Variants in ABCA13 observed in about 807,000 individuals in gnomAD.
The protein encoded by ABCA13 is ATP-binding cassette sub-family A member 13.
ABCA13 carries 476 observed loss-of-function variants against 478.7 expected under a neutral mutation model. That is an observed-to-expected ratio of 0.99 (90% CI 0.92 to 1.07). The LOEUF (loss-of-function observed/expected upper bound fraction) is 1.07. ABCA13 is among the 50% of genes least tolerant of loss of function. The pLI is 0.00. For missense variants in ABCA13, 6,060 were observed against 5,910.6 expected, an observed-to-expected ratio of 1.03 and a Z score of -0.83; for synonymous variants, 2,252 against 2,158.9, an observed-to-expected ratio of 1.04 and a Z score of -1.20.
In ABCA13 at chr7:48,275,003, T is replaced by C; in HGVS notation, c.5337T>C (p.His1779=). 6.2e-7 allele frequency: 1 copy of C among 1,613,972 alleles called. No individual in the cohort carries two copies. Among genetic ancestry groups the C allele is most frequent in the East Asian group, 2.2e-5 (1 of 44,878 alleles). ...ATGTCTACAGCTTCACACTCCTTCA[T>C]GGCATAACCATTTCAAATATCACCA... The part of the protein sequence containing the change: ...LKDVYSFTLL[H]GITISNITKE... The change falls in exon 17 of 62, where the codon CAT becomes CAC. Residue 1779 remains histidine (H), a synonymous_variant. Transcript: ENST00000435803.
intron 57 of ABCA13, among the ~76,000 whole-genome samples, chr7:48,591,138 C>T (rs1048543809): frequency 2.0e-5 from 3 of 150,566 alleles, no homozygotes; most frequent in Non-Finnish European, 4.4e-5. Context: ...AATACATGTT[C>T]AGTTGATTTT....
chr7:48,231,713 G>A (rs1789113642), intron 7 of ABCA13, among the ~76,000 whole-genome samples: 1 of 152,096 alleles, frequency 6.6e-6, no homozygotes, highest in African/African-American at 2.4e-5. Context: ...CCAGGCGGCA[G>A]TGCAGCAGTG....
rs546280845 is a variant in ABCA13, at chr7:48,257,445, G to A, written c.2005+8094G>A. ...TGATTTTGGCTGTGTGTTTTTCATC[G>A]ATGGGCTGTTATTACTTTGAGGTAT... On this transcript the variant is annotated intron_variant, in intron 15 of 61. Coordinates refer to ENST00000435803, the MANE Select transcript of ABCA13 (RefSeq NM_152701.5). Among the ~76,000 whole-genome samples, 8 of 152,148 alleles carry A rather than the reference G, an allele frequency of 5.3e-5. No homozygotes were observed. The South Asian group carries it at 1.2e-3, about 24-fold the overall frequency.
intron 32 of ABCA13, among the ~76,000 whole-genome samples, chr7:48,370,208 T>C (rs189156948): frequency 5.3e-4 from 81 of 152,292 alleles, no homozygotes; most frequent in Admixed American, 9.8e-4. Flanking sequence ...ACTGTTGGTG[T>C]ATAGCAGAGC....
At chr7:48,315,800 A>G (rs1307887562) in intron 26 of ABCA13, among the ~76,000 whole-genome samples, 1 of 152,134 alleles carries the variant, frequency 6.6e-6, no homozygotes, top group African/African-American at 2.4e-5. Context: ...TTCTTCATTT[A>G]TACTTTGGGG....
chr7:48,278,022 A>G (rs186223260), intron 17 of ABCA13, 72 bp from the exon 18 acceptor site: 2 of 488,638 alleles, frequency 4.1e-6, no homozygotes, highest in African/African-American at 2.0e-5. Context: ...ATAAATCACT[A>G]TGTATCTTAA....
chr7:48,225,209 C>T (rs1788036852), intron 5 of ABCA13, among the ~76,000 whole-genome samples: 1 of 145,036 alleles, frequency 6.9e-6, no homozygotes, highest in Non-Finnish European at 1.5e-5. Context: ...TCCTTCTTTA[C>T]TTCCTTCCTT....
intron 29 of ABCA13, among the ~76,000 whole-genome samples, chr7:48,350,339 T>C (rs1010241265): frequency 6.6e-6 from 1 of 152,190 alleles, no homozygotes; most frequent in African/African-American, 2.4e-5. Flanking sequence ...TTTCCTTCTG[T>C]TGTTTATCCT....
At chr7:48,329,735 A>G (rs1300712677) in intron 27 of ABCA13, among the ~76,000 whole-genome samples, 8 of 151,980 alleles carry the variant, frequency 5.3e-5, no homozygotes, top group Admixed American at 4.6e-4. Context: ...CCATTCATCC[A>G]TCCATCCACA....
chr7:48,321,647 C>G (rs1219061128), intron 27 of ABCA13, among the ~76,000 whole-genome samples: 3 of 152,294 alleles, frequency 2.0e-5, no homozygotes, highest in East Asian at 3.9e-4. Flanking sequence ...GCCAGTGTGT[C>G]AAGTGGAGGC....
chr7:48,393,019 G>T (rs1188707738), intron 38 of ABCA13, among the ~76,000 whole-genome samples: 2 of 152,124 alleles, frequency 1.3e-5, no homozygotes, highest in African/African-American at 4.8e-5. Flanking sequence ...AAGGAAGTAG[G>T]GTATCCAGGA....
chr7:48,438,404 A>G (rs1823129617), intron 42 of ABCA13, among the ~76,000 whole-genome samples: 1 of 151,942 alleles, frequency 6.6e-6, no homozygotes, highest in Non-Finnish European at 1.5e-5. Flanking sequence ...GTAGTTGTTT[A>G]TTTAGTGTTT....
intron 59 of ABCA13, among the ~76,000 whole-genome samples, chr7:48,639,791 T>C (rs1342663156): frequency 6.6e-6 from 1 of 152,236 alleles, no homozygotes; most frequent in Non-Finnish European, 1.5e-5. Flanking sequence ...TTTTATGCGT[T>C]TAATTTTTAG....
intron 27 of ABCA13, among the ~76,000 whole-genome samples, chr7:48,332,292 T>G (rs890289924): frequency 2.0e-5 from 3 of 152,230 alleles, no homozygotes; most frequent in African/African-American, 7.2e-5. Flanking sequence ...AATAATTTAT[T>G]GATACTGTCT....
intron 15 of ABCA13, among the ~76,000 whole-genome samples, chr7:48,256,036 A>G (rs950898657): frequency 2.6e-5 from 4 of 151,858 alleles, no homozygotes; most frequent in Non-Finnish European, 4.4e-5. Flanking sequence ...AGTGGTTTTG[A>G]TTTGTATTTC....
chr7:48,214,151 T>C (rs943113234), intron 3 of ABCA13, among the ~76,000 whole-genome samples: 4 of 152,204 alleles, frequency 2.6e-5, no homozygotes, highest in African/African-American at 4.8e-5. Flanking sequence ...ACGTCTTCAT[T>C]GGAACTCTTG....
chr7:48,292,586 T>C (rs1184589233), intron 20 of ABCA13, among the ~76,000 whole-genome samples: 2 of 152,174 alleles, frequency 1.3e-5, no homozygotes, highest in Non-Finnish European at 2.9e-5. Flanking sequence ...GGCATATCTC[T>C]CCTTCTGCCC....
intron 48 of ABCA13, among the ~76,000 whole-genome samples, chr7:48,492,112 T>C (rs1418792447): frequency 6.6e-6 from 1 of 152,220 alleles, no homozygotes; most frequent in African/African-American, 2.4e-5. Flanking sequence ...AGCTATTTTC[T>C]TAGAACCCAG....
chr7:48,273,905 A>G lies in ABCA13; in HGVS notation c.4239A>G (p.Ser1413=), dbSNP rs942483642. Reference sequence around the variant, plus strand: ...ATTTGTTGTCTAACTCCAGTTTTTCACAAGGTCATCTTCAAAATATTTTGG... The same window carrying G: ...ATTTGTTGTCTAACTCCAGTTTTTCGCAAGGTCATCTTCAAAATATTTTGG... The part of the protein sequence containing the change: ...HLYLLSNSSF[S]QGHLQNILGN... The change falls in exon 17 of 62, where the codon TCA becomes TCG. Residue 1413 remains serine (S), a synonymous_variant. Transcript: ENST00000435803. 9.9e-6 allele frequency: 16 copies of G among 1,612,820 alleles called. No individual in the cohort carries two copies. The highest frequency in any genetic ancestry group is 1.4e-5 in the Non-Finnish European group (16 of 1,179,374).
Sources: allele counts gnomAD v4.1 joint callset (sites outside exome capture counted in the v4.1 genomes callset), GRCh38; gene constraint gnomAD v4.1.1; transcripts MANE v1.5; gene names NCBI Gene and HGNC (gene_info 2026-07-23, HGNC 2026-07-21).